Variants in PRIMPOL observed in about 807,000 individuals in gnomAD.
The protein encoded by PRIMPOL is DNA-directed primase/polymerase protein.
A neutral mutation model predicts 63.6 loss-of-function variants in PRIMPOL; 54 were observed. That is an observed-to-expected ratio of 0.85 (90% CI 0.68 to 1.07). The LOEUF is 1.07. Among genes scored for constraint, PRIMPOL ranks in the 50% least tolerant of loss-of-function variants. The pLI is 0.00. For missense variants in PRIMPOL, 610 were observed against 648.3 expected, an observed-to-expected ratio of 0.94 and a Z score of 0.64; for synonymous variants, 197 against 220.2, an observed-to-expected ratio of 0.89 and a Z score of 0.93.
rs1272104033 is a variant in PRIMPOL at position 184,649,907 on chromosome 4, CG to C, written c.-138+1del. On this transcript the variant is annotated splice_region_variant and 5_prime_UTR_variant, in exon 1 of 14. Transcript: ENST00000314970. Reference sequence around the variant, plus strand: ...AAGAGGAGCAGGCCGGGACGCCCACCGGTAATTTCTGTCTCCTCTGCGATGA... The same window carrying C: ...AAGAGGAGCAGGCCGGGACGCCCACCGTAATTTCTGTCTCCTCTGCGATGA... 1 of 152,306 alleles carries C rather than the reference CG, an allele frequency of 6.6e-6. No individual in the cohort carries two copies. Among genetic ancestry groups the C allele is most frequent in the African/African-American group, 2.4e-5 (1 of 41,462 alleles). The allele number at this position is 152,306 out of a possible 1,614,324, so 9.4% of individuals were successfully genotyped here.
chr4:184,667,682 G>A (rs2014964), intron 6 of PRIMPOL, among the ~76,000 whole-genome samples: 13,688 of 152,200 alleles, frequency 0.09, 756 homozygotes, highest in Middle Eastern at 0.15. Flanking sequence ...GGCAGTTACA[G>A]CAGGTAATTT....
intron 4 of PRIMPOL, among the ~76,000 whole-genome samples, chr4:184,661,307 A>G (rs548257132): frequency 2.0e-4 from 31 of 152,340 alleles, no homozygotes; most frequent in Non-Finnish European, 3.2e-4. Flanking sequence ...CCATAAACCT[A>G]TGGTGAACAG....
At chr4:184,667,601 T>C (rs7679007) in intron 6 of PRIMPOL, among the ~76,000 whole-genome samples, 4,756 of 152,238 alleles carry the variant, frequency 0.031, 203 homozygotes, top group African/African-American at 0.098. Flanking sequence ...TGAGCCACCG[T>C]GCCTGGCCGA....
At chr4:184,686,222 C>A (rs1219652674) in intron 11 of PRIMPOL, among the ~76,000 whole-genome samples, 2 of 152,114 alleles carry the variant, frequency 1.3e-5, no homozygotes, top group Non-Finnish European at 2.9e-5. Context: ...CTAAGATAAC[C>A]CCTTAGTATA....
chr4:184,671,034 G>A (rs78261978), intron 6 of PRIMPOL, among the ~76,000 whole-genome samples: 1,936 of 152,220 alleles, frequency 0.013, 47 homozygotes, highest in African/African-American at 0.043. Context: ...TGTTACACAT[G>A]AAGCAACTTA....
chr4:184,679,554 T>C (rs1311875247), intron 8 of PRIMPOL, among the ~76,000 whole-genome samples: 2 of 152,226 alleles, frequency 1.3e-5, no homozygotes, highest in African/African-American at 4.8e-5. Context: ...TGATAAGTTA[T>C]TGGAAACTGA....
intron 7 of PRIMPOL, among the ~76,000 whole-genome samples, chr4:184,673,153 G>A (rs1752297491): frequency 7.3e-6 from 1 of 136,166 alleles, no homozygotes; most frequent in Non-Finnish European, 1.6e-5. Context: ...TTTTTGAGAC[G>A]GAGTCCCGCT....
intron 13 of PRIMPOL, 82 bp from the exon 14 acceptor site, chr4:184,694,440 A>G: frequency 1.3e-6 from 2 of 1,502,926 alleles, no homozygotes; most frequent in East Asian, 2.4e-5. Flanking sequence ...CCTTACTTCA[A>G]CATAGAGTAT....
intron 13 of PRIMPOL, 76 bp from the exon 14 acceptor site, chr4:184,694,446 A>G (rs1760017568): frequency 6.6e-7 from 1 of 1,513,898 alleles, no homozygotes; most frequent in Non-Finnish European, 8.9e-7. Context: ...TTCAACATAG[A>G]GTATAAGGTT....
chr4:184,662,053 T>C (rs1748501015), intron 5 of PRIMPOL, 150 bp downstream of exon 5: 3 of 622,480 alleles, frequency 4.8e-6, no homozygotes, highest in Non-Finnish European at 7.4e-6. Flanking sequence ...TAATATTACT[T>C]GTATGAGTAA....
chr4:184,664,694 G>A (rs1749340586), intron 5 of PRIMPOL, among the ~76,000 whole-genome samples: 1 of 152,198 alleles, frequency 6.6e-6, no homozygotes, highest in Non-Finnish European at 1.5e-5. Context: ...CTGCTGTAGA[G>A]GAGCCTGGGA....
At chr4:184,680,039 A>G (rs1469246509) in intron 8 of PRIMPOL, among the ~76,000 whole-genome samples, 1 of 152,208 alleles carries the variant, frequency 6.6e-6, no homozygotes, top group Non-Finnish European at 1.5e-5. Flanking sequence ...GCAGTTTCCA[A>G]GAATCTATCC....
At chr4:184,650,206 C>G (rs1000493001) in intron 1 of PRIMPOL, among the ~76,000 whole-genome samples, 1 of 147,608 alleles carries the variant, frequency 6.8e-6, no homozygotes, top group Non-Finnish European at 1.5e-5. Flanking sequence ...TGTACTTAAT[C>G]CACATATAAA....
chr4:184,661,889 G>T lies in PRIMPOL; in HGVS notation c.394G>T (p.Ala132Ser), dbSNP rs768625097. ...NPGADGKKMV[A>S]LLIEYVCKAL... Reference sequence around the variant, plus strand: ...AGGAGCTGATGGGAAAAAGATGGTTGCATTACTCATTGAGGTAAATGGCCA... The same window carrying T: ...AGGAGCTGATGGGAAAAAGATGGTTTCATTACTCATTGAGGTAAATGGCCA... Residue 132 changes from alanine (A) to serine (S), a missense_variant, in exon 5 of 14, where the codon GCA (alanine) becomes TCA (serine). By Grantham distance (99) the Ala-to-Ser change is moderately conservative. Coordinates refer to ENST00000314970, the MANE Select transcript of PRIMPOL (RefSeq NM_152683.4). 5 of 1,612,304 alleles carry T rather than the reference G, an allele frequency of 3.1e-6. No homozygotes were observed. The highest frequency in any genetic ancestry group is 4.2e-6 in the Non-Finnish European group (5 of 1,179,010).
intron 2 of PRIMPOL, among the ~76,000 whole-genome samples, chr4:184,652,914 G>A (rs62339864): frequency 0.21 from 147 of 710 alleles, 47 homozygotes; most frequent in East Asian, 0.75. Flanking sequence ...GGAGGAAGGA[G>A]GGAAGGGAGA....
chr4:184,659,940 G>T (rs1025487877), intron 4 of PRIMPOL, among the ~76,000 whole-genome samples: 1 of 151,726 alleles, frequency 6.6e-6, no homozygotes, highest in African/African-American at 2.4e-5. Context: ...TCTGCCTCAG[G>T]CTCCCGAGTT....
rs753930703 is a variant in PRIMPOL at position 184,682,286 on chromosome 4, C to G, written c.1046C>G (p.Ser349Cys). The G allele has an allele frequency of 6.2e-7, 1 of 1,604,924 alleles. No homozygotes were observed. Reference sequence around the variant, plus strand: ...TTACGAATTCTTACATGTGAGCCATCTCAGAATAAACAAAAAGGAGTTGGA... The same window carrying G: ...TTACGAATTCTTACATGTGAGCCATGTCAGAATAAACAAAAAGGAGTTGGA... ...DTLRILTCEP[S>C]QNKQKGVGYF... Residue 349 changes from serine (S) to cysteine (C), a missense_variant, in exon 9 of 14, where the codon TCT becomes TGT. Ser to Cys is a moderately radical substitution (Grantham distance 112, BLOSUM62 -1). Transcript: ENST00000314970.
intron 6 of PRIMPOL, among the ~76,000 whole-genome samples, chr4:184,668,136 C>T (rs1750587437): frequency 6.6e-6 from 1 of 152,202 alleles, no homozygotes; most frequent in African/African-American, 2.4e-5. Context: ...TCTTTATCTT[C>T]AGCCCAGATT....
chr4:184,690,462 CTTAT>C (rs1010874398), intron 11 of PRIMPOL, among the ~76,000 whole-genome samples: 6 of 151,562 alleles, frequency 4.0e-5, no homozygotes, highest in African/African-American at 7.3e-5. Context: ...TATTTATTTA[CTTAT>C]TTATTTATTT....
Sources: gnomAD v4.1 joint callset for allele counts (sites outside exome capture counted in the v4.1 genomes callset) on GRCh38, gnomAD v4.1.1 for gene constraint, MANE v1.5 for transcripts, NCBI Gene and HGNC (gene_info 2026-07-23, HGNC 2026-07-21) for gene names.